COX10: variants seen among roughly 807,000 people sequenced by gnomAD.
COX10 encodes cytochrome c oxidase assembly factor heme A:farnesyltransferase COX10.
In COX10, 27 loss-of-function variants were observed where a neutral mutation model predicts 37.3. The ratio of observed to expected loss-of-function variants is 0.72; its 90% CI spans 0.53 to 1.00. The LOEUF (loss-of-function observed/expected upper bound fraction) is 1.00. Ranked by LOEUF, COX10 falls within the 50% of genes least tolerant of loss-of-function variation. The pLI is 0.00. For synonymous variants in COX10, 222 were observed against 229.1 expected (o/e 0.97, Z 0.28); for missense variants, 475 against 563.2 (o/e 0.84, Z 1.59).
chr17:14,127,199 C>T (rs1157342247), intron 4 of COX10, among the ~76,000 whole-genome samples: 1 of 152,112 alleles, frequency 6.6e-6, no homozygotes, highest in Non-Finnish European at 1.5e-5. Context: ...CTTCACTAAA[C>T]CAACCTTTCT....
rs1226865250 is a variant in COX10, at chr17:14,170,255, T to TG, written c.695+10309dup. Among the ~76,000 whole-genome samples, 11 of 152,220 alleles carry TG rather than the reference T, an allele frequency of 7.2e-5. No individual in the cohort carries two copies. In the South Asian group the frequency reaches 1.9e-3, roughly 26 times the overall value. On this transcript the variant is annotated intron_variant, in intron 5 of 6. Coordinates refer to ENST00000261643, the MANE Select transcript of COX10 (RefSeq NM_001303.4). ...CAAGTTGAATCTGCAAACTCAGTCATGCAATGAAGGTAAATGTCAGAGAAG... is the reference window on the plus strand; with the variant it reads ...CAAGTTGAATCTGCAAACTCAGTCATGGCAATGAAGGTAAATGTCAGAGAAG...
At chr17:14,110,355 G>C (rs1467152616) in intron 4 of COX10, among the ~76,000 whole-genome samples, 2 of 152,076 alleles carry the variant, frequency 1.3e-5, no homozygotes, top group Non-Finnish European at 2.9e-5. Context: ...CTGCTATTCG[G>C]TAAGCATTGT....
intron 4 of COX10, among the ~76,000 whole-genome samples, chr17:14,129,407 C>T (rs937781155): frequency 1.3e-5 from 2 of 152,194 alleles, no homozygotes; most frequent in South Asian, 2.1e-4. Flanking sequence ...ACTATTTACT[C>T]AAGTTCTCAG....
intron 4 of COX10, among the ~76,000 whole-genome samples, chr17:14,116,749 T>G (rs55904946): frequency 0.2 from 29,976 of 152,190 alleles, 3,641 homozygotes; most frequent in East Asian, 0.4. Context: ...ACAGCCTTCA[T>G]GTTAGCACCA....
chr17:14,156,983 C>T (rs1276451981), intron 4 of COX10, among the ~76,000 whole-genome samples: 3 of 152,172 alleles, frequency 2.0e-5, no homozygotes, highest in African/African-American at 7.2e-5. Context: ...AACTACCCGG[C>T]TCTGCTGCTG....
intron 4 of COX10, among the ~76,000 whole-genome samples, chr17:14,116,971 C>CA (rs1274233013): frequency 1.3e-5 from 2 of 152,300 alleles, no homozygotes; most frequent in African/African-American, 4.8e-5. Flanking sequence ...TCTTCACACA[C>CA]TGGTCAACAC....
chr17:14,174,197 G>A (rs2079617), intron 5 of COX10, among the ~76,000 whole-genome samples: 1 of 151,928 alleles, frequency 6.6e-6, no homozygotes, highest in Non-Finnish European at 1.5e-5. Context: ...CAGTGGCTCA[G>A]GCCTGTAATC....
chr17:14,184,484 C>T (rs1905966201), intron 5 of COX10, among the ~76,000 whole-genome samples: 1 of 152,158 alleles, frequency 6.6e-6, no homozygotes, highest in African/African-American at 2.4e-5. Context: ...ACAGTGGACC[C>T]TCAACATACT....
chr17:14,152,802 G>A (rs2142234488), intron 4 of COX10, among the ~76,000 whole-genome samples: 1 of 152,258 alleles, frequency 6.6e-6, no homozygotes, highest in Non-Finnish European at 1.5e-5. Flanking sequence ...TTCCACCAAG[G>A]AGCAGCACAC....
chr17:14,192,333 T>C, intron 6 of COX10, 112 bp downstream of exon 6: 1 of 1,613,732 alleles, frequency 6.2e-7, no homozygotes, highest in Non-Finnish European at 8.5e-7. Flanking sequence ...TTAATTCTTT[T>C]AGCAAATGTG....
intron 4 of COX10, among the ~76,000 whole-genome samples, chr17:14,128,371 C>G (rs1398253989): frequency 6.6e-6 from 1 of 152,042 alleles, no homozygotes; most frequent in Non-Finnish European, 1.5e-5. Flanking sequence ...ACAAGAAGCT[C>G]TCCCTGAAGC....
intron 5 of COX10, among the ~76,000 whole-genome samples, chr17:14,189,478 A>C (rs1906136349): frequency 6.6e-6 from 1 of 152,218 alleles, no homozygotes; most frequent in Admixed American, 6.5e-5. Context: ...AGCATCAATG[A>C]TTTCACTATT....
intron 4 of COX10, among the ~76,000 whole-genome samples, chr17:14,148,524 T>C (rs1340739643): frequency 6.6e-6 from 1 of 152,146 alleles, no homozygotes; most frequent in Non-Finnish European, 1.5e-5. Flanking sequence ...GACAAACACT[T>C]GTTGACAGCG....
chr17:14,167,403 G>A (rs978527653), intron 5 of COX10, among the ~76,000 whole-genome samples: 1 of 152,224 alleles, frequency 6.6e-6, no homozygotes, highest in African/African-American at 2.4e-5. Context: ...GTCAGAGTTT[G>A]AGAAGACTAA....
chr17:14,201,648 C>T (rs1289678993), intron 6 of COX10, among the ~76,000 whole-genome samples: 1 of 152,224 alleles, frequency 6.6e-6, no homozygotes, highest in Non-Finnish European at 1.5e-5. Context: ...TGAGGTTGCT[C>T]TTTCTGAGCC....
At chr17:14,107,948 A>G (rs906192805) in intron 4 of COX10, among the ~76,000 whole-genome samples, 2 of 152,126 alleles carry the variant, frequency 1.3e-5, no homozygotes, top group Non-Finnish European at 2.9e-5. Flanking sequence ...TAGTTCTGCT[A>G]TGTGGAAAAA....
Position 14,162,721 on chromosome 17 carries a change from T to C in COX10, c.695+2774T>C, listed in dbSNP as rs142760787. ...CCTTTATGTATTAATGACTGGAAAA[T>C]GTGAAGCAGTTCATATATACTTATT... On this transcript the variant is annotated intron_variant, in intron 5 of 6. Coordinates refer to ENST00000261643, the MANE Select transcript of COX10 (RefSeq NM_001303.4). 3.0e-3 allele frequency among the ~76,000 whole-genome samples: 463 copies of C among 152,074 alleles called. 1 individual carries two copies. The highest frequency in any genetic ancestry group is 5.4e-3 in the Non-Finnish European group (365 of 68,000).
chr17:14,193,933 G>A (rs1392992298), intron 6 of COX10, among the ~76,000 whole-genome samples: 2 of 152,074 alleles, frequency 1.3e-5, no homozygotes, highest in Non-Finnish European at 2.9e-5. Flanking sequence ...CCTCAAGGGT[G>A]TAGCCCCACT....
rs771957978 is a variant in COX10, at chr17:14,207,192, C to T, written c.1311C>T (p.Asp437=). 36 of 1,598,680 alleles carry T rather than the reference C, an allele frequency of 2.3e-5. No homozygotes were observed. Among genetic ancestry groups the T allele is most frequent in the African/African-American group, 2.7e-5 (2 of 74,824 alleles). ...GCAAGCGGCCGAGCGGAGGCGGGGA[C>T]GCAGGGCCCCCTCCCAGCTGAGAGC... ...LTCKRPSGGG[D]AGPPPS The change falls in exon 7 of 7, where the codon GAC becomes GAT. Residue 437 remains aspartate (D), a synonymous_variant. Coordinates refer to ENST00000261643, the MANE Select transcript of COX10 (RefSeq NM_001303.4).
Sources: allele counts gnomAD v4.1 joint callset (sites outside exome capture counted in the v4.1 genomes callset), GRCh38; gene constraint gnomAD v4.1.1; transcripts MANE v1.5; gene names NCBI Gene and HGNC (gene_info 2026-07-23, HGNC 2026-07-21).